The following ACSM4 variants were observed in gnomAD, a reference collection of about 807,000 sequenced individuals.
ACSM4 encodes the protein acyl-CoA synthetase medium chain family member 4, also known as acyl-coenzyme A synthetase ACSM4, mitochondrial.
A neutral mutation model predicts 73.0 loss-of-function variants in ACSM4; 66 were observed. The ratio of observed to expected loss-of-function variants is 0.90; its 90% confidence interval spans 0.74 to 1.11. The LOEUF (loss-of-function observed/expected upper bound fraction) is 1.11. Ranked by LOEUF, ACSM4 falls within the 50% of genes least tolerant of loss-of-function variation. The probability of loss-of-function intolerance (pLI) is 0.00; values close to 1 mark genes in which losing one functional copy is unlikely to be tolerated. For missense variants in ACSM4, 645 were observed against 714.4 expected (o/e 0.90, Z 1.11); for synonymous variants, 222 against 254.0 (o/e 0.87, Z 1.20).
chr12:7,306,819 C>T (rs1447737041), intron 2 of ACSM4, 76 bp downstream of exon 2: 2 of 1,256,486 alleles, frequency 1.6e-6, no homozygotes, highest in Non-Finnish European at 1.1e-6. Flanking sequence ...GAATTGTTAG[C>T]TCTGATTAAA....
At chr12:7,324,625 G>T (rs757626599) in intron 11 of ACSM4, 27 bp downstream of exon 11, 3 of 1,607,034 alleles carry the variant, frequency 1.9e-6, no homozygotes, top group South Asian at 2.2e-5. Flanking sequence ...TATTAAAGAA[G>T]CAACATCATA....
At chr12:7,311,737 C>T (rs1282313705) in intron 3 of ACSM4, among the ~76,000 whole-genome samples, 1 of 152,122 alleles carries the variant, frequency 6.6e-6, no homozygotes, top group Non-Finnish European at 1.5e-5. Context: ...GTCACCCAGG[C>T]TAGAGTACAG....
chr12:7,321,805 C>G (rs1946465791), intron 6 of ACSM4, among the ~76,000 whole-genome samples: 1 of 152,178 alleles, frequency 6.6e-6, no homozygotes, highest in Non-Finnish European at 1.5e-5. Flanking sequence ...CTCAAGATAA[C>G]CTTGCTAAGC....
Position 7,328,561 on chromosome 12 carries a change from A to G in ACSM4, c.*188A>G. 1 of 366,980 alleles carries G rather than the reference A, an allele frequency of 2.7e-6. No homozygotes were observed. Among genetic ancestry groups the G allele is most frequent in the Non-Finnish European group, 5.0e-6 (1 of 201,062 alleles). The allele number at this position is 366,980 out of a possible 1,614,324, so 22.7% of individuals were successfully genotyped here. A position where few individuals can be genotyped will look rare whatever the true frequency, so the allele number is the denominator to read the frequency against. On this transcript the variant is annotated 3_prime_UTR_variant, in exon 13 of 13. Coordinates refer to ENST00000399422, the MANE Select transcript of ACSM4 (RefSeq NM_001080454.2). ...AAATAAAAGCCTCAAAAACGTATGG[A>G]TGAAAATTGTTATAATGACCAAACT...
intron 3 of ACSM4, among the ~76,000 whole-genome samples, chr12:7,312,592 C>T (rs1946397550): frequency 6.6e-6 from 1 of 152,186 alleles, no homozygotes. Context: ...CCAAGGGCCA[C>T]ACCAGTGAAT....
chr12:7,310,848 T>C (rs994512956), intron 3 of ACSM4, 102 bp downstream of exon 3: 100 of 1,198,010 alleles, frequency 8.3e-5, no homozygotes, highest in Middle Eastern at 4.4e-4. Flanking sequence ...CACTGTCAGT[T>C]GATCTGGGCT....
Position 7,304,225 on chromosome 12 carries a change from C to A in ACSM4, c.-107C>A. On this transcript the variant is annotated 5_prime_UTR_variant, in exon 1 of 13. Transcript: ENST00000399422. Reference sequence around the variant, plus strand: ...GGGACACACAGCCACAAATCCACCTCCCAGTCTCACCACAGAGCATCAAGA... The same window carrying A: ...GGGACACACAGCCACAAATCCACCTACCAGTCTCACCACAGAGCATCAAGA... 2 of 1,200,112 alleles carry A rather than the reference C, an allele frequency of 1.7e-6. No individual in the cohort carries two copies. The highest frequency in any genetic ancestry group is 2.4e-6 in the Non-Finnish European group (2 of 836,838). 74.3% of individuals were successfully genotyped at this position (1,200,112 alleles called of 1,614,324 possible).
rs1431271219 is a variant in ACSM4, at chr12:7,323,521, C to G, written c.1269C>G (p.Leu423=). The change falls in exon 9 of 13, where the codon CTC becomes CTG. Residue 423 remains leucine (L), a synonymous_variant. Transcript: ENST00000399422. ...PGKEGEIALR[L]KPTRPFCFFS... ...AAGAAGGGGAAATTGCCCTCAGACT[C>G]AAACCTACACGGCCCTTCTGTTTCT... 6.2e-7 allele frequency: 1 copy of G among 1,613,856 alleles called. No homozygotes were observed. The highest frequency in any genetic ancestry group is 8.5e-7 in the Non-Finnish European group (1 of 1,179,792).
intron 1 of ACSM4, among the ~76,000 whole-genome samples, chr12:7,306,195 C>T (rs1436660656): frequency 1.3e-5 from 2 of 152,224 alleles, no homozygotes; most frequent in Non-Finnish European, 2.9e-5. Flanking sequence ...TCTGAGCATG[C>T]GTAAGCACGA....
intron 5 of ACSM4, 122 bp from the exon 6 acceptor site, chr12:7,320,603 C>T (rs1946453930): frequency 1.4e-6 from 1 of 736,800 alleles, no homozygotes; most frequent in Non-Finnish European, 2.3e-6. Context: ...TTTTCTTATT[C>T]CTAGTAGTGA....
At chr12:7,312,337 G>A (rs188559195) in intron 3 of ACSM4, among the ~76,000 whole-genome samples, 13 of 152,170 alleles carry the variant, frequency 8.5e-5, no homozygotes, top group Admixed American at 2.0e-4. Context: ...GTGTTGTTTT[G>A]AGGGTAAATT....
Position 7,324,304 on chromosome 12 carries a change from G to A in ACSM4, c.1340G>A (p.Arg447Lys). ...CCACAGAAAACTGCTGCCACGATAA[G>A]AGGAGATTTTTATGTCACTGGAGAC... ...DNPQKTAATI[R>K]GDFYVTGDRG... Residue 447 changes from arginine to lysine, a missense_variant, in exon 10 of 13, where the codon AGA becomes AAA. Physicochemically the swap from Arg to Lys is conservative, Grantham distance 26. Coordinates refer to ENST00000399422, the MANE Select transcript of ACSM4 (RefSeq NM_001080454.2). 6.2e-7 allele frequency: 1 copy of A among 1,613,678 alleles called. No homozygotes were observed. The highest frequency in any genetic ancestry group is 1.1e-5 in the South Asian group (1 of 91,018).
At chr12:7,306,475 T>G in intron 1 of ACSM4, 58 bp from the exon 2 acceptor site, 4 of 1,477,676 alleles carry the variant, frequency 2.7e-6, no homozygotes, top group Non-Finnish European at 3.7e-6. Context: ...AGATGCCGCA[T>G]GTAAGAGTAA....
At chr12:7,314,131 G>A (rs1946405223) in intron 3 of ACSM4, among the ~76,000 whole-genome samples, 1 of 152,190 alleles carries the variant, frequency 6.6e-6, no homozygotes, top group African/African-American at 2.4e-5. Flanking sequence ...AGGACTTGGA[G>A]AGTATTGGAT....
At chr12:7,306,861 AAAAG>A (rs1946365489) in intron 2 of ACSM4, 118 bp downstream of exon 2, 10 of 1,022,898 alleles carry the variant, frequency 9.8e-6, no homozygotes, top group East Asian at 7.9e-5. Flanking sequence ...AAAAAAAAAA[AAAAG>A]AAGAGTTAAG....
intron 3 of ACSM4, among the ~76,000 whole-genome samples, chr12:7,312,685 G>A (rs2136330521): frequency 6.6e-6 from 1 of 152,306 alleles, no homozygotes; most frequent in East Asian, 1.9e-4. Context: ...CCATAAGATG[G>A]AGATGATGAT....
rs1215428278 is a variant in ACSM4, at chr12:7,328,453, CT to C, written c.*81del. On this transcript the variant is annotated 3_prime_UTR_variant, in exon 13 of 13. Transcript: ENST00000399422. ...TTGTTCCGATAATTCAGCGACTACT[CT>C]CTTAAAATGTTTAAGATCTTTCCTG... 1 of 1,105,764 alleles carries C rather than the reference CT, an allele frequency of 9.0e-7. No homozygotes were observed. The highest frequency in any genetic ancestry group is 1.6e-5 in the African/African-American group (1 of 61,006). The allele number at this position is 1,105,764 out of a possible 1,614,324, so 68.5% of individuals were successfully genotyped here.
In ACSM4 at chr12:7,319,911, G is replaced by T. The variant is rs1380525907; in HGVS notation, c.922-814G>T. 2.0e-5 allele frequency among the ~76,000 whole-genome samples: 3 copies of T among 152,284 alleles called. No individual in the cohort carries two copies. In the East Asian group the frequency reaches 5.8e-4, roughly 29 times the overall value. On this transcript the variant is annotated intron_variant, in intron 5 of 12. Coordinates refer to ENST00000399422, the MANE Select transcript of ACSM4 (RefSeq NM_001080454.2). ...TTTAAGTGCTATAAAAACCTTTATA[G>T]ATTTATGCTATTTTTAGGTGTATAC...
In ACSM4 at chr12:7,304,329, AC is replaced by A; in HGVS notation, c.-1del. ...TAGCAGTAGACAAAGTCCTTTGGGA[AC>A]CATGAAGATTTTTTTCCGCTACCAG... On this transcript the variant is annotated 5_prime_UTR_variant, in exon 1 of 13. Coordinates refer to ENST00000399422, the MANE Select transcript of ACSM4 (RefSeq NM_001080454.2). 1 of 1,613,872 alleles carries A rather than the reference AC, an allele frequency of 6.2e-7. No individual in the cohort carries two copies.
Sources: gnomAD v4.1 joint callset for allele counts (sites outside exome capture counted in the v4.1 genomes callset) on GRCh38, gnomAD v4.1.1 for gene constraint, MANE v1.5 for transcripts, NCBI Gene and HGNC (gene_info 2026-07-23, HGNC 2026-07-21) for gene names.